The following ANKRD30B variants were observed in gnomAD, a reference collection of about 807,000 sequenced individuals.
The protein encoded by ANKRD30B is ankyrin repeat domain 30B, also known as ankyrin repeat domain-containing protein 30B.
In ANKRD30B, 144 loss-of-function variants were observed where a neutral mutation model predicts 202.2. The observed-to-expected ratio is 0.71, with a 90% CI of 0.62 to 0.82. The LOEUF is 0.82. Among genes scored for constraint, ANKRD30B ranks in the 40% least tolerant of loss-of-function variants. The pLI, the probability that ANKRD30B is intolerant of heterozygous loss-of-function variation, is 0.00. For missense variants in ANKRD30B, 1,487 were observed against 1,669.1 expected (o/e 0.89, Z 1.90); for synonymous variants, 508 against 561.3 (o/e 0.91, Z 1.34).
At chr18:14,751,732 AGG>A (rs1347593051) in intron 1 of ANKRD30B, among the ~76,000 whole-genome samples, 2 of 152,178 alleles carry the variant, frequency 1.3e-5, no homozygotes, top group Non-Finnish European at 2.9e-5. Context: ...TAAAATCTTG[AGG>A]AAGTAGTTTG....
intron 28 of ANKRD30B, among the ~76,000 whole-genome samples, chr18:14,811,551 A>T (rs1969925982): frequency 6.9e-6 from 1 of 145,888 alleles, no homozygotes; most frequent in Non-Finnish European, 1.5e-5. Flanking sequence ...GCCTAGAAGT[A>T]ACCAATATTC....
the ANKRD30B span, among the ~76,000 whole-genome samples, chr18:14,900,543 G>A: frequency 6.6e-6 from 1 of 152,090 alleles, no homozygotes; most frequent in East Asian, 1.9e-4. Flanking sequence ...TCATATGTAG[G>A]CATTTTTCTC....
chr18:14,788,130 T>C (rs1968205483), intron 15 of ANKRD30B, among the ~76,000 whole-genome samples: 1 of 152,228 alleles, frequency 6.6e-6, no homozygotes, highest in African/African-American at 2.4e-5. Context: ...AACAGTTCTA[T>C]GACCATGAAT....
At chr18:14,836,513 T>G (rs1971180880) in intron 34 of ANKRD30B, among the ~76,000 whole-genome samples, 1 of 152,160 alleles carries the variant, frequency 6.6e-6, no homozygotes, top group African/African-American at 2.4e-5. Flanking sequence ...CTACCTATAA[T>G]TTTGAAGTAC....
intron 14 of ANKRD30B, 68 bp from the exon 15 acceptor site, chr18:14,786,971 G>C: frequency 2.0e-6 from 3 of 1,467,438 alleles, no homozygotes; most frequent in Admixed American, 2.0e-5. Flanking sequence ...AAGTAGACTT[G>C]TGTATGTTTT....
intron 6 of ANKRD30B, among the ~76,000 whole-genome samples, chr18:14,761,358 A>T (rs1915232505): frequency 6.6e-6 from 1 of 152,204 alleles, no homozygotes; most frequent in South Asian, 2.1e-4. Context: ...CCCTGTGGGC[A>T]TTTATTAGCA....
Position 14,852,394 on chromosome 18 carries a change from T to C in ANKRD30B, c.4450T>C (p.Tyr1484His), listed in dbSNP as rs1171862143. 1 of 1,522,932 alleles carries C rather than the reference T, an allele frequency of 6.6e-7. No homozygotes were observed. 94.3% of individuals were successfully genotyped at this position (1,522,932 alleles called of 1,614,324 possible). A position where few individuals can be genotyped will look rare whatever the true frequency, so the allele number is the denominator to read the frequency against. Reference sequence around the variant, plus strand: ...CCATTTAAAAGAACGTATAGATCAATATGAAAAAGAGAAAGCAGAAAGAGA... The same window carrying C: ...CCATTTAAAAGAACGTATAGATCAACATGAAAAAGAGAAAGCAGAAAGAGA... ...GNHLKERIDQ[Y>H]EKEKAEREVI... is the part of the protein sequence containing the mutation. Residue 1484 changes from tyrosine to histidine, a missense_variant, in exon 42 of 44, where the codon TAT (tyrosine) becomes CAT (histidine). Transcript: ENST00000690538.
intron 30 of ANKRD30B, among the ~76,000 whole-genome samples, chr18:14,818,131 T>A (rs1287793607): frequency 6.6e-6 from 1 of 152,212 alleles, no homozygotes; most frequent in Non-Finnish European, 1.5e-5. Flanking sequence ...TATTTCTATG[T>A]CAAAGAAATG....
chr18:14,914,106 A>G, the ANKRD30B span, among the ~76,000 whole-genome samples: 1 of 152,204 alleles, frequency 6.6e-6, no homozygotes, highest in African/African-American at 2.4e-5. Context: ...CTCTTCAAGG[A>G]TGTTAAGAAT....
the ANKRD30B span, chr18:14,888,955 C>T: frequency 3.9e-6 from 3 of 762,426 alleles, no homozygotes; most frequent in Non-Finnish European, 2.1e-6. Context: ...TAGAGAGGCT[C>T]AATTAAACGA....
the ANKRD30B span, among the ~76,000 whole-genome samples, chr18:14,879,714 TA>T: frequency 6.7e-6 from 1 of 148,316 alleles, no homozygotes; most frequent in Non-Finnish European, 1.5e-5. Context: ...GGGTTGGGGT[TA>T]GGGGTTAGGG....
chr18:14,820,769 A>G (rs927698765), intron 30 of ANKRD30B, among the ~76,000 whole-genome samples: 1 of 152,100 alleles, frequency 6.6e-6, no homozygotes, highest in Non-Finnish European at 1.5e-5. Context: ...TTTTGCCAGT[A>G]TTTTATTGAG....
At chr18:14,913,195 G>A in the ANKRD30B span, among the ~76,000 whole-genome samples, 1 of 152,206 alleles carries the variant, frequency 6.6e-6, no homozygotes, top group South Asian at 2.1e-4. Context: ...AGCTTTCAGT[G>A]AGCTCAGTGC....
chr18:14,886,569 T>G, the ANKRD30B span, among the ~76,000 whole-genome samples: 1 of 152,122 alleles, frequency 6.6e-6, no homozygotes, highest in African/African-American at 2.4e-5. Flanking sequence ...AAAGAGCATT[T>G]GGTCCTAACA....
At chr18:14,753,769 T>C (rs896770619) in intron 3 of ANKRD30B, among the ~76,000 whole-genome samples, 2 of 152,206 alleles carry the variant, frequency 1.3e-5, no homozygotes, top group Non-Finnish European at 2.9e-5. Flanking sequence ...TGGTTGTATT[T>C]GAATAGGTTA....
the ANKRD30B span, among the ~76,000 whole-genome samples, chr18:14,904,123 G>A: frequency 1.3e-5 from 2 of 152,180 alleles, no homozygotes; most frequent in Non-Finnish European, 2.9e-5. Flanking sequence ...CATCACATGG[G>A]CCATGGGGCA....
rs1294683197 is a variant in ANKRD30B, at chr18:14,808,898, A to C, written c.2386+154A>C. 3.3e-5 allele frequency among the ~76,000 whole-genome samples: 5 copies of C among 151,106 alleles called. No homozygotes were observed. In the East Asian group the frequency reaches 9.7e-4, roughly 29 times the overall value. On this transcript the variant is annotated intron_variant, in intron 26 of 43. Coordinates refer to ENST00000690538, the MANE Select transcript of ANKRD30B (RefSeq NM_001367607.2). ...AAATGTTAGTATTTATGTTTGAGAA[A>C]ATGTCATTTAGAAGCATAAGATTTA...
downstream of ANKRD30B, among the ~76,000 whole-genome samples, chr18:14,855,400 G>A (rs532357612): frequency 2.6e-4 from 39 of 152,308 alleles, 1 homozygote; most frequent in South Asian, 5.4e-3. Context: ...ATCATGGTCC[G>A]TTCCCGATGG....
intron 9 of ANKRD30B, among the ~76,000 whole-genome samples, chr18:14,776,608 G>T (rs927508163): frequency 6.6e-6 from 1 of 152,160 alleles, no homozygotes; most frequent in Non-Finnish European, 1.5e-5. Flanking sequence ...CCATGTCATC[G>T]TCATCCTCAT....
Sources: allele counts gnomAD v4.1 joint callset (sites outside exome capture counted in the v4.1 genomes callset), GRCh38; gene constraint gnomAD v4.1.1; transcripts MANE v1.5; gene names NCBI Gene and HGNC (gene_info 2026-07-23, HGNC 2026-07-21).